Variants in ADGRB3 observed in about 807,000 individuals in gnomAD.
ADGRB3 encodes the protein adhesion G protein-coupled receptor B3, also known as brain-specific angiogenesis inhibitor 3.
A neutral mutation model predicts 193.4 loss-of-function variants in ADGRB3; 37 were observed. The observed-to-expected ratio is 0.19, with a 90% CI of 0.15 to 0.25. The LOEUF is 0.25. Among genes scored for constraint, ADGRB3 ranks in the 10% least tolerant of loss-of-function variants. The pLI is 1.00. For synonymous variants in ADGRB3, 690 were observed against 644.2 expected, an observed-to-expected ratio of 1.07 and a Z score of -1.08; for missense variants, 1,637 against 1,852.9, an observed-to-expected ratio of 0.88 and a Z score of 2.14.
intron 11 of ADGRB3, among the ~76,000 whole-genome samples, chr6:68,999,565 G>A (rs1323541742): frequency 1.3e-5 from 2 of 152,110 alleles, no homozygotes; most frequent in Non-Finnish European, 2.9e-5. Flanking sequence ...CGCCCAGCCA[G>A]ATTTCCCTTT....
intron 13 of ADGRB3, among the ~76,000 whole-genome samples, chr6:69,032,170 T>TA (rs2150294191): frequency 6.6e-6 from 1 of 152,174 alleles, no homozygotes; most frequent in East Asian, 1.9e-4. Context: ...ACCTTGTATA[T>TA]GAAAGATCTT....
rs150641885 is a variant in ADGRB3 at position 68,642,077 on chromosome 6, C to T, written c.757+2645C>T. 4.7e-4 allele frequency among the ~76,000 whole-genome samples: 72 copies of T among 151,910 alleles called. No homozygotes were observed. The East Asian group carries it at 0.013, about 28-fold the overall frequency. On this transcript the variant is annotated intron_variant, in intron 3 of 31. Coordinates refer to ENST00000370598, the MANE Select transcript of ADGRB3 (RefSeq NM_001704.3). The stretch of plus-strand genomic sequence containing the variant: ...TATATTACTTGGTGTTTTCCATTTC[C>T]TATTAAAAAAGGTTGTCTCTTAAGT...
At chr6:68,902,139 A>G (rs1290174758) in intron 3 of ADGRB3, among the ~76,000 whole-genome samples, 2 of 152,110 alleles carry the variant, frequency 1.3e-5, no homozygotes, top group Non-Finnish European at 2.9e-5. Context: ...CTTATGTTTT[A>G]TATATATTCT....
intron 17 of ADGRB3, among the ~76,000 whole-genome samples, chr6:69,168,368 A>G (rs575388961): frequency 1.3e-5 from 2 of 152,316 alleles, no homozygotes; most frequent in South Asian, 2.1e-4. Context: ...AACAAAATCT[A>G]TCAAAAAGCA....
intron 3 of ADGRB3, among the ~76,000 whole-genome samples, chr6:68,769,992 T>C (rs888184484): frequency 6.6e-6 from 1 of 152,160 alleles, no homozygotes; most frequent in Non-Finnish European, 1.5e-5. Context: ...CATATTGTTA[T>C]GCTTCCAATA....
chr6:68,797,990 C>A (rs1198116235), intron 3 of ADGRB3, among the ~76,000 whole-genome samples: 1 of 151,998 alleles, frequency 6.6e-6, no homozygotes, highest in Admixed American at 6.6e-5. Flanking sequence ...GCTTTCATTC[C>A]TCCAACTTAT....
intron 20 of ADGRB3, among the ~76,000 whole-genome samples, chr6:69,286,488 A>C (rs545051769): frequency 6.6e-6 from 1 of 152,308 alleles, no homozygotes; most frequent in South Asian, 2.1e-4. Context: ...CATATCAACA[A>C]AGGTTCTGTG....
intron 13 of ADGRB3, among the ~76,000 whole-genome samples, chr6:69,039,055 A>G (rs956226941): frequency 6.6e-6 from 1 of 152,128 alleles, no homozygotes; most frequent in African/African-American, 2.4e-5. Flanking sequence ...TGTCTATTCT[A>G]TGCCCCCATT....
rs1357220512 is a variant in ADGRB3 at position 69,297,388 on chromosome 6, C to CTA, written c.2815-27483_2815-27482insAT. On this transcript the variant is annotated intron_variant, in intron 20 of 31. Coordinates refer to ENST00000370598, the MANE Select transcript of ADGRB3 (RefSeq NM_001704.3). ...TCTCTTTCTCTCTCTCTCTCTCTCT[C>CTA]TCTATCTCTCTCTCTCTCTCTCTAT... Among the ~76,000 whole-genome samples the CTA allele has an allele frequency of 9.1e-3, 1,176 of 129,476 alleles. 6 individuals are homozygous for CTA. The highest frequency in any genetic ancestry group is 0.024 in the African/African-American group (697 of 29,460). 84.9% of individuals were successfully genotyped at this position (129,476 alleles called of 152,430 possible).
At chr6:69,164,107 G>A (rs1412573580) in intron 17 of ADGRB3, among the ~76,000 whole-genome samples, 1 of 152,026 alleles carries the variant, frequency 6.6e-6, no homozygotes, top group East Asian at 1.9e-4. Flanking sequence ...CAAGGTGAAA[G>A]GAGTCACCCT....
chr6:69,236,630 T>C, intron 19 of ADGRB3, among the ~76,000 whole-genome samples: 1 of 152,030 alleles, frequency 6.6e-6, no homozygotes, highest in East Asian at 1.9e-4. Flanking sequence ...CTCACTGAAG[T>C]ATTTAAAACT....
chr6:69,240,166 C>T (rs989783305), intron 20 of ADGRB3, among the ~76,000 whole-genome samples: 2 of 151,910 alleles, frequency 1.3e-5, no homozygotes, highest in Non-Finnish European at 2.9e-5. Flanking sequence ...TTTTGCTAAC[C>T]TACGTTCCTA....
chr6:69,313,866 C>A (rs1768252282), intron 20 of ADGRB3, among the ~76,000 whole-genome samples: 2 of 151,712 alleles, frequency 1.3e-5, no homozygotes, highest in Non-Finnish European at 3.0e-5. Context: ...CATTACCTCA[C>A]ATAGTTATCA....
intron 3 of ADGRB3, among the ~76,000 whole-genome samples, chr6:68,640,200 A>T (rs962825688): frequency 3.3e-5 from 5 of 152,070 alleles, no homozygotes; most frequent in Non-Finnish European, 7.4e-5. Context: ...TTGAGAGTGA[A>T]TTTTTGCCTT....
At chr6:68,953,023 C>A (rs1767975593) in intron 6 of ADGRB3, among the ~76,000 whole-genome samples, 1 of 152,046 alleles carries the variant, frequency 6.6e-6, no homozygotes, top group East Asian at 1.9e-4. Context: ...GCCTGAGGAG[C>A]AAAACACTTC....
intron 8 of ADGRB3, among the ~76,000 whole-genome samples, chr6:68,962,439 T>C (rs945292122): frequency 1.3e-5 from 2 of 152,188 alleles, no homozygotes; most frequent in African/African-American, 4.8e-5. Flanking sequence ...GAGATAATTA[T>C]TGTCATAATT....
At chr6:69,043,466 GT>G in intron 13 of ADGRB3, among the ~76,000 whole-genome samples, 1 of 152,262 alleles carries the variant, frequency 6.6e-6, no homozygotes, top group South Asian at 2.1e-4. Context: ...ATCAACATAA[GT>G]TTTGAATATA....
chr6:69,217,002 A>C (rs1765783713), intron 17 of ADGRB3, among the ~76,000 whole-genome samples: 1 of 152,156 alleles, frequency 6.6e-6, no homozygotes. Context: ...TTGAGGAAAA[A>C]GGGAAAAGAC....
chr6:69,072,403 A>G (rs1318640337), intron 16 of ADGRB3, among the ~76,000 whole-genome samples: 3 of 152,322 alleles, frequency 2.0e-5, no homozygotes, highest in Non-Finnish European at 4.4e-5. Context: ...GAATGTTGAC[A>G]AAGTCATGGA....
Sources: allele counts gnomAD v4.1 joint callset (sites outside exome capture counted in the v4.1 genomes callset), GRCh38; gene constraint gnomAD v4.1.1; transcripts MANE v1.5; gene names NCBI Gene and HGNC (gene_info 2026-07-23, HGNC 2026-07-21).